Variants in NUMB observed in about 807,000 individuals in gnomAD.
NUMB encodes protein numb homolog.
NUMB carries 29 observed loss-of-function variants against 59.7 expected under a neutral mutation model. The observed-to-expected ratio is 0.49, with a 90% CI of 0.36 to 0.66. NUMB has a LOEUF of 0.66. Among genes scored for constraint, NUMB ranks in the 30% least tolerant of loss-of-function variants. NUMB has a pLI of 0.00. For synonymous variants in NUMB, 288 were observed against 288.2 expected (o/e 1.00, Z 0.01); for missense variants, 723 against 822.0 (o/e 0.88, Z 1.47).
intron 4 of NUMB, among the ~76,000 whole-genome samples, chr14:73,346,465 A>C (rs1004940700): frequency 1.3e-5 from 2 of 149,136 alleles, no homozygotes; most frequent in Admixed American, 6.7e-5. Flanking sequence ...GGGCAACAAG[A>C]GTGAAACTCT....
At chr14:73,401,563 A>ATTTTTTTTTTTTTTTTTTT (rs1164847403) in intron 2 of NUMB, among the ~76,000 whole-genome samples, 1 of 110,054 alleles carries the variant, frequency 9.1e-6, no homozygotes, top group African/African-American at 3.8e-5. Context: ...GTAAGACTAA[A>ATTTTTTTTTTTTTTTTTTT]TTTTTTTTTT....
chr14:73,373,609 C>T (rs1894807717), intron 2 of NUMB, among the ~76,000 whole-genome samples: 1 of 149,942 alleles, frequency 6.7e-6, no homozygotes, highest in Non-Finnish European at 1.5e-5. Context: ...AAATTTTGAA[C>T]AAGGTAAAGG....
chr14:73,397,393 G>A (rs773604065), intron 2 of NUMB, among the ~76,000 whole-genome samples: 9 of 152,116 alleles, frequency 5.9e-5, no homozygotes, highest in African/African-American at 1.9e-4. Flanking sequence ...GCCTGGGGAG[G>A]AATTCAGCGG....
intron 8 of NUMB, among the ~76,000 whole-genome samples, chr14:73,288,931 T>C (rs1266384404): frequency 6.6e-6 from 1 of 151,752 alleles, no homozygotes; most frequent in East Asian, 1.9e-4. Context: ...GTGTCTGTGG[T>C]CCTACTTGGG....
intron 1 of NUMB, among the ~76,000 whole-genome samples, chr14:73,445,043 T>C (rs1394093669): frequency 6.6e-6 from 1 of 151,674 alleles, no homozygotes; most frequent in Non-Finnish European, 1.5e-5. Context: ...ATAAAAGAGG[T>C]CAAGCCTAAT....
chr14:73,354,543 T>C (rs1893666139), intron 4 of NUMB, among the ~76,000 whole-genome samples: 3 of 138,632 alleles, frequency 2.2e-5, no homozygotes, highest in Admixed American at 1.5e-4. Context: ...ATATAGGAAA[T>C]AGGCTGGGTG....
intron 2 of NUMB, among the ~76,000 whole-genome samples, chr14:73,388,800 A>C (rs1248827216): frequency 2.0e-5 from 3 of 152,126 alleles, no homozygotes; most frequent in Non-Finnish European, 4.4e-5. Flanking sequence ...GCCCGTCTCT[A>C]ATAAAAAATA....
chr14:73,376,704 C>A (rs1423294529), intron 2 of NUMB, among the ~76,000 whole-genome samples: 1 of 152,056 alleles, frequency 6.6e-6, no homozygotes, highest in Admixed American at 6.6e-5. Context: ...AACTCAGAAA[C>A]AGACCCACAT....
chr14:73,310,711 T>G (rs562741648), intron 6 of NUMB, among the ~76,000 whole-genome samples: 1 of 152,148 alleles, frequency 6.6e-6, no homozygotes, highest in South Asian at 2.1e-4. Flanking sequence ...CTGTTATGAA[T>G]GGCAAATTAG....
At chr14:73,315,754 T>C (rs1446411859) in intron 6 of NUMB, among the ~76,000 whole-genome samples, 1 of 152,210 alleles carries the variant, frequency 6.6e-6, no homozygotes, top group African/African-American at 2.4e-5. Context: ...TATTGGGCAT[T>C]ATGTAAAATC....
chr14:73,421,902 G>A (rs1056795140), intron 1 of NUMB, among the ~76,000 whole-genome samples: 4 of 152,138 alleles, frequency 2.6e-5, no homozygotes, highest in Non-Finnish European at 5.9e-5. Flanking sequence ...ACTTTGGGAG[G>A]CCGAGGTGGG....
intron 1 of NUMB, among the ~76,000 whole-genome samples, chr14:73,415,056 A>C (rs181212926): frequency 9.4e-4 from 143 of 152,364 alleles, no homozygotes; most frequent in African/African-American, 3.3e-3. Context: ...ACACAGAATA[A>C]GAACAGCTGA....
rs550620259 is a variant in NUMB at position 73,308,634 on chromosome 14, G to T, written c.234+7756C>A. ...CTTGTAAGACGGAAATACCATTATG[G>T]AGTTCAGGGGAGATGTATGGAGATA... On this transcript the variant is annotated intron_variant, in intron 6 of 12. Coordinates refer to ENST00000555238, the MANE Select transcript of NUMB (RefSeq NM_001005743.2). Among the ~76,000 whole-genome samples the T allele has an allele frequency of 1.2e-4, 18 of 152,300 alleles. No individual in the cohort carries two copies. The South Asian group carries it at 3.7e-3, about 32-fold the overall frequency.
intron 4 of NUMB, among the ~76,000 whole-genome samples, chr14:73,327,519 T>C (rs973247311): frequency 1.3e-5 from 2 of 152,148 alleles, no homozygotes; most frequent in Non-Finnish European, 2.9e-5. Context: ...CCTCCCAAAG[T>C]GCTGGGATTA....
At position 73,389,287 on chromosome 14, in the gene NUMB, AAAAAAACAAAAAC is replaced by A. The variant is rs1436392309; in HGVS notation, c.-101+20637_-101+20649del. On this transcript the variant is annotated intron_variant, in intron 2 of 12. Coordinates refer to ENST00000555238, the MANE Select transcript of NUMB (RefSeq NM_001005743.2). ...CTCCATCTCTCAAAAAAAAAAAAAA[AAAAAAACAAAAAC>A]AAAAACACTGGTCTCTGTTTTATAC... Among the ~76,000 whole-genome samples the A allele has an allele frequency of 1.7e-4, 17 of 97,386 alleles. 1 individual carries two copies. The highest frequency in any genetic ancestry group is 1.2e-3 in the African/African-American group (17 of 13,608). The allele number at this position is 97,386 out of a possible 152,430, so 63.9% of individuals were successfully genotyped here.
At chr14:73,303,638 T>C (rs1026123123) in intron 6 of NUMB, among the ~76,000 whole-genome samples, 3 of 151,804 alleles carry the variant, frequency 2.0e-5, no homozygotes, top group Non-Finnish European at 4.4e-5. Context: ...CTAATAAAAA[T>C]GTGGAAGTGG....
intron 2 of NUMB, among the ~76,000 whole-genome samples, chr14:73,395,091 GTTACATGTGGC>G (rs1896064793): frequency 7.1e-6 from 1 of 141,516 alleles, no homozygotes; most frequent in African/African-American, 2.8e-5. Context: ...GTGTGTGTGT[GTTACATGTGGC>G]TGTATCTCTA....
intron 2 of NUMB, among the ~76,000 whole-genome samples, chr14:73,403,685 GT>G (rs1324316176): frequency 6.6e-6 from 1 of 152,184 alleles, no homozygotes; most frequent in African/African-American, 2.4e-5. Flanking sequence ...GCGGGGCATG[GT>G]GGCTCACGCC....
chr14:73,381,785 AAATT>A (rs568701697), intron 2 of NUMB, among the ~76,000 whole-genome samples: 256 of 152,304 alleles, frequency 1.7e-3, no homozygotes, highest in African/African-American at 6.0e-3. Flanking sequence ...GTTTTATTAT[AAATT>A]AATATTGTTT....
Sources: gnomAD v4.1 joint callset for allele counts (sites outside exome capture counted in the v4.1 genomes callset) on GRCh38, gnomAD v4.1.1 for gene constraint, MANE v1.5 for transcripts, NCBI Gene and HGNC (gene_info 2026-07-23, HGNC 2026-07-21) for gene names.